Variants in MST1R observed in about 807,000 individuals in gnomAD.
The protein encoded by MST1R is macrophage stimulating 1 receptor.
Under a neutral mutation model 117.8 loss-of-function variants are expected in MST1R, and 99 were observed. That is an observed-to-expected ratio of 0.84 (90% CI 0.71 to 0.99). MST1R has a LOEUF of 0.99. Ranked by LOEUF, MST1R falls within the 50% of genes least tolerant of loss-of-function variation. The pLI, the probability that MST1R is intolerant of heterozygous loss-of-function variation, is 0.00. For synonymous variants in MST1R, 734 were observed against 765.3 expected (o/e 0.96, Z 0.68); for missense variants, 1,683 against 1,840.2 (o/e 0.91, Z 1.56).
At chr3:49,897,198 C>T in intron 7 of MST1R, 82 bp downstream of exon 7, 1 of 1,520,290 alleles carries the variant, frequency 6.6e-7, no homozygotes, top group Non-Finnish European at 8.8e-7. Context: ...GTAACAAGCA[C>T]TCTTCCCTCC....
In MST1R at chr3:49,903,791, G is replaced by C. The variant is rs1575463067; in HGVS notation, c.-182C>G. The C allele has an allele frequency of 1.2e-6, 1 of 806,384 alleles. No homozygotes were observed. The highest frequency in any genetic ancestry group is 1.9e-6 in the Non-Finnish European group (1 of 534,986). The allele number at this position is 806,384 out of a possible 1,614,324, so 50.0% of individuals were successfully genotyped here. A position where few individuals can be genotyped will look rare whatever the true frequency, so the allele number is the denominator to read the frequency against. ...AAACCCAAATCCCTTCCCGGCCCTC[G>C]GGTCTGAGCACCTGACGCCTGCGGA... On this transcript the variant is annotated 5_prime_UTR_variant, in exon 1 of 20. Coordinates refer to ENST00000296474, the MANE Select transcript of MST1R (RefSeq NM_002447.4).
At chr3:49,897,166 C>G in intron 7 of MST1R, 114 bp downstream of exon 7, 1 of 1,435,370 alleles carries the variant, frequency 7.0e-7, no homozygotes, top group South Asian at 1.4e-5. Context: ...CCTGGACCTG[C>G]TCTCCACACC....
At position 49,895,938 on chromosome 3, in the gene MST1R, GGAGGTCCAGCTGGGCT is replaced by G. The variant is rs777595316; in HGVS notation, c.2796+7_2796+22del. ...TAGGCCCTCTGCCCGTGTTTCCCAG[GGAGGTCCAGCTGGGCT>G]GCCTACCTGCAATGGGGCACCATCC... On this transcript the variant is annotated splice_region_variant and intron_variant, in intron 11 of 19. Coordinates refer to ENST00000296474, the MANE Select transcript of MST1R (RefSeq NM_002447.4). 5 of 1,569,244 alleles carry G rather than the reference GGAGGTCCAGCTGGGCT, an allele frequency of 3.2e-6. No homozygotes were observed. Among genetic ancestry groups the G allele is most frequent in the Non-Finnish European group, 3.5e-6 (4 of 1,156,656 alleles).
chr3:49,896,267 G>A lies in MST1R; in HGVS notation c.2577C>T (p.Phe859=). 1 of 1,614,158 alleles carries A rather than the reference G, an allele frequency of 6.2e-7. No homozygotes were observed. Among genetic ancestry groups the A allele is most frequent in the Non-Finnish European group, 8.5e-7 (1 of 1,180,010 alleles). The change falls in exon 10 of 20, where the codon TTC becomes TTT. Residue 859 remains phenylalanine (F), a synonymous_variant. Coordinates refer to ENST00000296474, the MANE Select transcript of MST1R (RefSeq NM_002447.4). ...CACTGGGTGGATGGGGTGGGGGTAG[G>A]AAGCGAAAGCCAGGCAGTGTAAAGC... is the stretch of plus-strand genomic sequence containing the variant. The part of the protein sequence containing the change: ...AAGFTLPGFR[F]LPPPHPPSAN...
rs777178945 is a variant in MST1R at position 49,887,525 on chromosome 3, C to A, written c.3985G>T (p.Ala1329Ser). The A allele has an allele frequency of 3.7e-6, 6 of 1,614,196 alleles. No individual in the cohort carries two copies. The South Asian group carries it at 5.5e-5, about 15-fold the overall frequency. ...AGTACTCTGAAGGTGGGTCGCACTG[C>A]TGGGTCTGCCTCCCAGCATTGCTGC... ...VMQQCWEADPAVRPTFRVLVG... is the reference protein window; with the variant it reads ...VMQQCWEADPSVRPTFRVLVG... The change falls in exon 20 of 20, where the codon GCA becomes TCA. Residue 1329 changes from alanine to serine, a missense_variant. Transcript: ENST00000296474.
chr3:49,893,926 A>G (rs2082390580), intron 14 of MST1R, among the ~76,000 whole-genome samples: 1 of 149,474 alleles, frequency 6.7e-6, no homozygotes, highest in Non-Finnish European at 1.5e-5. Context: ...AAAATAAAAT[A>G]AAATAGGCTG....
intron 19 of MST1R, among the ~76,000 whole-genome samples, chr3:49,887,959 C>T (rs1185655563): frequency 6.6e-6 from 1 of 152,248 alleles, no homozygotes; most frequent in African/African-American, 2.4e-5. Context: ...CATCACAGTT[C>T]TTCCAGGAAG....
At chr3:49,893,016 C>T (rs202242172) in intron 14 of MST1R, among the ~76,000 whole-genome samples, 6 of 151,794 alleles carry the variant, frequency 4.0e-5, no homozygotes, top group African/African-American at 1.2e-4. Context: ...CGATGGCTCA[C>T]GCCTGTAATC....
chr3:49,887,315 G>A lies in MST1R; in HGVS notation c.4195C>T (p.Pro1399Ser), dbSNP rs771250951. 2.5e-6 allele frequency: 4 copies of A among 1,614,130 alleles called. No homozygotes were observed. In the South Asian group the frequency reaches 4.4e-5, roughly 18 times the overall value. Residue 1399 changes from proline to serine, a missense_variant, in exon 20 of 20, where the codon CCC becomes TCC. Pro to Ser is a moderately conservative substitution (Grantham distance 74). Coordinates refer to ENST00000296474, the MANE Select transcript of MST1R (RefSeq NM_002447.4). ...CCAGCCCAAGAACTAAGTCAAGTGG[G>A]CCGAGGAGGCTCTGAGAGTGGCCGG... ...RPRPLSEPPR[P>S]T
Position 49,902,686 on chromosome 3 carries a change from G to A in MST1R, c.924C>T (p.Arg308=). Residue 308 remains arginine (R), a synonymous_variant, in exon 1 of 20, where the codon CGC becomes CGT. Transcript: ENST00000296474. The part of the protein sequence containing the change: ...LDCRFAPKRR[R]RGAPEGGQPY... Reference sequence around the variant, plus strand: ...GCTGTCCGCCTTCTGGGGCCCCCCGGCGCCTGCGTTTTGGAGCAAATCTGC... The same window carrying A: ...GCTGTCCGCCTTCTGGGGCCCCCCGACGCCTGCGTTTTGGAGCAAATCTGC... The A allele has an allele frequency of 6.2e-7, 1 of 1,613,444 alleles. No homozygotes were observed. Among genetic ancestry groups the A allele is most frequent in the Non-Finnish European group, 8.5e-7 (1 of 1,180,020 alleles).
At chr3:49,890,205 CTG>C in intron 18 of MST1R, 145 bp from the exon 19 acceptor site, 1 of 1,085,624 alleles carries the variant, frequency 9.2e-7, no homozygotes, top group South Asian at 1.7e-5. Context: ...AATACATCAC[CTG>C]TGTCTTTCCT....
chr3:49,897,633 A>G lies in MST1R; in HGVS notation c.1933T>C (p.Leu645=), dbSNP rs374546809. ...GTAGGCCCCACTGCCTGGGTGCCCA[A>G]GGGCTCCAGTTCACACTCAAACTCC... The part of the protein sequence containing the change: ...VEEFECELEP[L]GTQAVGPTNV... Residue 645 remains leucine, a synonymous_variant, in exon 6 of 20, where the codon TTG becomes CTG. Transcript: ENST00000296474. 9.9e-6 allele frequency: 16 copies of G among 1,614,138 alleles called. No homozygotes were observed. Among genetic ancestry groups the G allele is most frequent in the Non-Finnish European group, 1.4e-5 (16 of 1,180,022 alleles).
At chr3:49,899,437 G>A in intron 1 of MST1R, 174 bp from the exon 2 acceptor site, 2 of 663,210 alleles carry the variant, frequency 3.0e-6, no homozygotes, top group Non-Finnish European at 5.1e-6. Flanking sequence ...GGCTCTCAGT[G>A]TAGCAAGGGC....
intron 17 of MST1R, 106 bp downstream of exon 17, chr3:49,891,091 G>A (rs1277189118): frequency 9.0e-6 from 9 of 994,846 alleles, no homozygotes; most frequent in Admixed American, 7.6e-5. Flanking sequence ...AAGGTGCAGA[G>A]AGGGGAGGAC....
intron 4 of MST1R, 66 bp from the exon 5 acceptor site, chr3:49,898,277 C>T (rs2082550590): frequency 6.3e-7 from 1 of 1,591,214 alleles, no homozygotes; most frequent in Non-Finnish European, 8.6e-7. Context: ...ACCTGCTTCC[C>T]CAAAGTCTCC....
At chr3:49,893,278 CAAAA>C in intron 14 of MST1R, among the ~76,000 whole-genome samples, 1 of 116,502 alleles carries the variant, frequency 8.6e-6, no homozygotes. Flanking sequence ...GGTTCTGTCT[CAAAA>C]ATAAATAAAT....
chr3:49,900,199 G>C (rs2082630629), intron 1 of MST1R, among the ~76,000 whole-genome samples: 1 of 152,174 alleles, frequency 6.6e-6, no homozygotes, highest in Non-Finnish European at 1.5e-5. Flanking sequence ...GGGTACAAAA[G>C]GGATAAACCA....
At position 49,890,581 on chromosome 3, in the gene MST1R, G is replaced by C. The variant is rs2082284094; in HGVS notation, c.3714C>G (p.Tyr1238Ter). 1.9e-6 allele frequency: 3 copies of C among 1,614,140 alleles called. No homozygotes were observed. In the South Asian group the frequency reaches 3.3e-5, roughly 18 times the overall value. ...CGTGGCGATGCTGTTGAACACTATA[G>C]TACTCCCTGTCCAGGATGTCGCGGG... is the stretch of plus-strand genomic sequence containing the variant. ...GLARDILDRE[Y>*]YSVQQHRHAR... Residue 1238 changes from tyrosine (Y) to a stop codon, truncating the protein, a stop_gained, in exon 18 of 20, where the codon TAC (tyrosine) becomes TAG (stop). Transcript: ENST00000296474. LOFTEE classifies it high-confidence loss of function.
At chr3:49,889,360 G>T (rs978119537) in intron 19 of MST1R, among the ~76,000 whole-genome samples, 14 of 152,188 alleles carry the variant, frequency 9.2e-5, no homozygotes, top group African/African-American at 3.1e-4. Flanking sequence ...GACAGGAGGC[G>T]TTAACTACTT....
Sources: allele counts gnomAD v4.1 joint callset (sites outside exome capture counted in the v4.1 genomes callset), GRCh38; gene constraint gnomAD v4.1.1; transcripts MANE v1.5; gene names NCBI Gene and HGNC (gene_info 2026-07-23, HGNC 2026-07-21).